The following CHP1 variants were observed in gnomAD, a reference collection of about 807,000 sequenced individuals.
CHP1 encodes the protein calcineurin like EF-hand protein 1, also known as calcineurin B homologous protein 1.
CHP1 carries 11 observed loss-of-function variants against 27.4 expected under a neutral mutation model. The ratio of observed to expected loss-of-function variants is 0.40; its 90% CI spans 0.25 to 0.67. CHP1 has a LOEUF of 0.67. Among genes scored for constraint, CHP1 ranks in the 30% least tolerant of loss-of-function variants. The pLI, the probability that CHP1 is intolerant of heterozygous loss-of-function variation, is 0.38. For missense variants in CHP1, 169 were observed against 251.3 expected, an observed-to-expected ratio of 0.67 and a Z score of 2.22; for synonymous variants, 89 against 87.4, an observed-to-expected ratio of 1.02 and a Z score of -0.10.
chr15:41,233,737 G>A (rs1278868742), intron 1 of CHP1, among the ~76,000 whole-genome samples: 1 of 152,078 alleles, frequency 6.6e-6, no homozygotes, highest in Non-Finnish European at 1.5e-5. Context: ...CAGAAATCAG[G>A]CAAGAGAGAG....
chr15:41,248,208 G>A (rs1424327141), intron 2 of CHP1, among the ~76,000 whole-genome samples: 2 of 151,542 alleles, frequency 1.3e-5, no homozygotes. Context: ...GAGTGTAATG[G>A]CACCATCACA....
At chr15:41,257,537 A>T (rs1019655375) in intron 3 of CHP1, among the ~76,000 whole-genome samples, 4 of 151,726 alleles carry the variant, frequency 2.6e-5, no homozygotes, top group Non-Finnish European at 5.9e-5. Context: ...AATCAATATT[A>T]AAAATAACTG....
At chr15:41,250,075 C>G in intron 2 of CHP1, among the ~76,000 whole-genome samples, 1 of 138,942 alleles carries the variant, frequency 7.2e-6, no homozygotes, top group East Asian at 2.1e-4. Flanking sequence ...CTTGGTCTAT[C>G]AATAGGTGTT....
At chr15:41,275,804 C>A (rs1434690809) in intron 5 of CHP1, among the ~76,000 whole-genome samples, 2 of 152,082 alleles carry the variant, frequency 1.3e-5, no homozygotes. Flanking sequence ...CAACCTCTGC[C>A]TCCCGGGTTG....
chr15:41,264,082 C>CT (rs1385191123), intron 4 of CHP1: 14 of 660,672 alleles, frequency 2.1e-5, no homozygotes, highest in Non-Finnish European at 3.0e-5. Flanking sequence ...TCCTCATAGT[C>CT]TGTTTTATCC....
At chr15:41,242,245 G>T (rs1393540607) in intron 1 of CHP1, among the ~76,000 whole-genome samples, 16 of 152,124 alleles carry the variant, frequency 1.1e-4, no homozygotes, top group Admixed American at 9.8e-4. Context: ...CAGAAAAGAG[G>T]TTGATCTTTA....
intron 2 of CHP1, among the ~76,000 whole-genome samples, chr15:41,244,648 G>T (rs1420142399): frequency 6.6e-6 from 1 of 152,128 alleles, no homozygotes; most frequent in Non-Finnish European, 1.5e-5. Context: ...CAGTGCACAG[G>T]ACAGCCCCCA....
At chr15:41,247,862 G>A (rs981070625) in intron 2 of CHP1, among the ~76,000 whole-genome samples, 26 of 151,702 alleles carry the variant, frequency 1.7e-4, no homozygotes, top group Non-Finnish European at 2.5e-4. Context: ...CCAGCTACTC[G>A]GGAGGCTGAG....
intron 2 of CHP1, among the ~76,000 whole-genome samples, chr15:41,247,896 G>C (rs1193458312): frequency 1.3e-5 from 2 of 151,414 alleles, no homozygotes; most frequent in Middle Eastern, 3.2e-3. Context: ...GTGAACCCGG[G>C]AGGCGGAGCT....
At chr15:41,239,524 C>G (rs895632223) in intron 1 of CHP1, among the ~76,000 whole-genome samples, 2 of 151,818 alleles carry the variant, frequency 1.3e-5, no homozygotes, top group Non-Finnish European at 2.9e-5. Flanking sequence ...CTGCCTCAGC[C>G]TCCCAAGTAG....
At chr15:41,247,787 G>A (rs6492996) in intron 2 of CHP1, among the ~76,000 whole-genome samples, 51,133 of 151,468 alleles carry the variant, frequency 0.34, 8,848 homozygotes, top group African/African-American at 0.42. Context: ...GGCTAACACA[G>A]TGAAACCCCG....
chr15:41,267,096 G>A (rs2047465116), intron 4 of CHP1, among the ~76,000 whole-genome samples: 1 of 152,146 alleles, frequency 6.6e-6, no homozygotes, highest in Non-Finnish European at 1.5e-5. Context: ...GACAAATATT[G>A]TATGATTCCT....
Position 41,259,575 on chromosome 15 carries a change from A to T in CHP1, c.221+2585A>T, listed in dbSNP as rs182660385. On this transcript the variant is annotated intron_variant, in intron 3 of 6. Coordinates refer to ENST00000334660, the MANE Select transcript of CHP1 (RefSeq NM_007236.5). ...TGAGATTTGAAAGTGGACCATGGTT[A>T]TTCAATTCCCTTTTACCCAGAAACT... 1.2e-4 allele frequency among the ~76,000 whole-genome samples: 15 copies of T among 124,838 alleles called. No individual in the cohort carries two copies. The East Asian group carries it at 2.7e-3, about 23-fold the overall frequency. 81.9% of individuals were successfully genotyped at this position (124,838 alleles called of 152,430 possible).
intron 2 of CHP1, among the ~76,000 whole-genome samples, chr15:41,246,935 C>G (rs1396244495): frequency 2.0e-5 from 3 of 149,706 alleles, no homozygotes; most frequent in African/African-American, 7.4e-5. Context: ...CCTGTAATCC[C>G]AGCACTTTGG....
chr15:41,231,278 C>G lies in CHP1; in HGVS notation c.-105C>G. 8.6e-7 allele frequency: 1 copy of G among 1,169,352 alleles called. No individual in the cohort carries two copies. The highest frequency in any genetic ancestry group is 1.2e-6 in the Non-Finnish European group (1 of 806,024). The allele number at this position is 1,169,352 out of a possible 1,614,324, so 72.4% of individuals were successfully genotyped here. A position where few individuals can be genotyped will look rare whatever the true frequency, so the allele number is the denominator to read the frequency against. On this transcript the variant is annotated 5_prime_UTR_variant, in exon 1 of 7. Transcript: ENST00000334660. ...CCCTCCCGGGTCCGCAGTGGAAACA[C>G]TGCCCTCTCCCTTCTTGACCCCTAG...
At chr15:41,233,825 C>T (rs2047264199) in intron 1 of CHP1, among the ~76,000 whole-genome samples, 1 of 152,144 alleles carries the variant, frequency 6.6e-6, no homozygotes, top group Non-Finnish European at 1.5e-5. Context: ...ATAGATTAAC[C>T]TAGGGCATTT....
chr15:41,264,256 T>C, intron 4 of CHP1: 1 of 1,270,360 alleles, frequency 7.9e-7, no homozygotes, highest in Non-Finnish European at 1.0e-6. Context: ...CCCCTCACTT[T>C]GATAAGTCAG....
intron 5 of CHP1, among the ~76,000 whole-genome samples, chr15:41,276,852 G>C (rs1264638194): frequency 6.6e-6 from 1 of 152,194 alleles, no homozygotes; most frequent in Non-Finnish European, 1.5e-5. Context: ...GGCATAGATT[G>C]TCCAGGCTGG....
Position 41,279,447 on chromosome 15 carries a change from CCTT to C in CHP1, c.*61_*63del, listed in dbSNP as rs2047535356. On this transcript the variant is annotated 3_prime_UTR_variant, in exon 7 of 7. Transcript: ENST00000334660. ...TTAAGAACTGGAACTTGAAAGTCCT[CCTT>C]CTACCAACTCCACCTCCACCCCCTC... The C allele has an allele frequency of 1.7e-5, 25 of 1,435,810 alleles. No individual in the cohort carries two copies. The highest frequency in any genetic ancestry group is 2.3e-5 in the Non-Finnish European group (24 of 1,021,780). 88.9% of individuals were successfully genotyped at this position (1,435,810 alleles called of 1,614,324 possible).
Sources: gnomAD v4.1 joint callset for allele counts (sites outside exome capture counted in the v4.1 genomes callset) on GRCh38, gnomAD v4.1.1 for gene constraint, MANE v1.5 for transcripts, NCBI Gene and HGNC (gene_info 2026-07-23, HGNC 2026-07-21) for gene names.